NSUN6: variants seen among roughly 807,000 people sequenced by gnomAD.
NSUN6 encodes NOP2/Sun RNA methyltransferase 6, also known as tRNA (cytosine(72)-C(5))-methyltransferase NSUN6.
NSUN6 carries 64 observed loss-of-function variants against 58.0 expected under a neutral mutation model. The observed-to-expected ratio is 1.10, with a 90% CI of 0.90 to 1.36. The LOEUF (loss-of-function observed/expected upper bound fraction) is 1.36, where lower values mean the gene tolerates loss of function less well. NSUN6 is among the 40% of genes most tolerant of loss of function. The pLI, the probability that NSUN6 is intolerant of heterozygous loss-of-function variation, is 0.00. For missense variants in NSUN6, 701 were observed against 550.1 expected, an observed-to-expected ratio of 1.27 and a Z score of -2.74; for synonymous variants, 231 against 193.9, an observed-to-expected ratio of 1.19 and a Z score of -1.59.
chr10:18,575,804 C>T (rs1255573686), intron 8 of NSUN6, among the ~76,000 whole-genome samples: 1 of 152,094 alleles, frequency 6.6e-6, no homozygotes, highest in African/African-American at 2.4e-5. Flanking sequence ...GATACTCCTA[C>T]CTTTGAAACA....
intron 6 of NSUN6, among the ~76,000 whole-genome samples, chr10:18,603,047 C>G (rs1220841341): frequency 1.3e-5 from 2 of 152,120 alleles, no homozygotes; most frequent in African/African-American, 4.8e-5. Context: ...AATCTCAACA[C>G]TTTGGGAAGC....
intron 2 of NSUN6, among the ~76,000 whole-genome samples, chr10:18,647,727 T>G (rs917677033): frequency 4.0e-5 from 2 of 50,076 alleles, no homozygotes; most frequent in African/African-American, 1.2e-4. Flanking sequence ...AACACCTTGT[T>G]TTTTTTTTTT....
Position 18,614,509 on chromosome 10 carries a change from T to C in NSUN6, c.526A>G (p.Ile176Val). 1.9e-6 allele frequency: 3 copies of C among 1,571,036 alleles called. No homozygotes were observed. The highest frequency in any genetic ancestry group is 2.6e-6 in the Non-Finnish European group (3 of 1,161,376). ...ATTTCTTTGCGGCTTAGTTCAGAAA[T>C]CCCATTTCCAAGAAATACTTTTGTT... ...DGTKVFLGNG[I>V]SELSRKEIFS... Residue 176 changes from isoleucine (I) to valine (V), a missense_variant, in exon 5 of 11, where the codon ATT becomes GTT. Physicochemically the swap from Ile to Val is conservative, Grantham distance 29 (BLOSUM62 3). Coordinates refer to ENST00000377304, the MANE Select transcript of NSUN6 (RefSeq NM_182543.5).
chr10:18,606,656 A>T lies in NSUN6; in HGVS notation c.657+3189T>A, dbSNP rs117363139. Among the ~76,000 whole-genome samples, 39 of 152,328 alleles carry T rather than the reference A, an allele frequency of 2.6e-4. No individual in the cohort carries two copies. In the East Asian group the frequency reaches 7.5e-3, roughly 29 times the overall value. On this transcript the variant is annotated intron_variant, in intron 6 of 10. Coordinates refer to ENST00000377304, the MANE Select transcript of NSUN6 (RefSeq NM_182543.5). ...AGAAACTGGGTGAAGGGTATATAGAAATGACTGTCTTTGCAAATCTATAAT... is the reference window on the plus strand; with the variant it reads ...AGAAACTGGGTGAAGGGTATATAGATATGACTGTCTTTGCAAATCTATAAT...
chr10:18,628,138 G>C (rs1327362877), intron 3 of NSUN6, among the ~76,000 whole-genome samples: 1 of 152,192 alleles, frequency 6.6e-6, no homozygotes, highest in Non-Finnish European at 1.5e-5. Flanking sequence ...CCCCCAAGCA[G>C]GGGCAGACTG....
intron 8 of NSUN6, among the ~76,000 whole-genome samples, chr10:18,562,733 G>A (rs1246451336): frequency 1.3e-5 from 2 of 150,506 alleles, no homozygotes; most frequent in African/African-American, 2.4e-5. Flanking sequence ...ATGCGAAATG[G>A]AATGGAATGG....
chr10:18,633,121 T>C (rs371127013), intron 3 of NSUN6, among the ~76,000 whole-genome samples: 13 of 151,712 alleles, frequency 8.6e-5, no homozygotes, highest in Admixed American at 2.6e-4. Context: ...ATGGATGAAA[T>C]TGGAAATCAT....
chr10:18,613,183 A>AC (rs903897651), intron 5 of NSUN6, among the ~76,000 whole-genome samples: 1 of 151,780 alleles, frequency 6.6e-6, no homozygotes, highest in Admixed American at 6.6e-5. Flanking sequence ...GCTCACTGCA[A>AC]CCCCCCGGGT....
chr10:18,582,421 TGTG>T lies in NSUN6; in HGVS notation c.922+3525_922+3527del, dbSNP rs1437658976. On this transcript the variant is annotated intron_variant, in intron 8 of 10. Transcript: ENST00000377304. ...GCACACTCTTGAAAATAACGGAGAT[TGTG>T]GTGGTGAGCAATTAAGAGGAGGCTG... Among the ~76,000 whole-genome samples the T allele has an allele frequency of 4.6e-5, 7 of 152,216 alleles. No homozygotes were observed. In the East Asian group the frequency reaches 7.7e-4, roughly 17 times the overall value.
intron 1 of NSUN6, among the ~76,000 whole-genome samples, chr10:18,649,295 G>T (rs12572691): frequency 6.6e-6 from 1 of 152,092 alleles, no homozygotes; most frequent in Non-Finnish European, 1.5e-5. Context: ...TTCAAGAAAC[G>T]TATTTCTTTG....
intron 1 of NSUN6, among the ~76,000 whole-genome samples, chr10:18,650,812 T>C (rs571986084): frequency 4.5e-4 from 68 of 152,378 alleles, no homozygotes; most frequent in African/African-American, 1.4e-3. Context: ...CCAGCGCTCT[T>C]TTAAAATTCG....
At chr10:18,635,291 C>T (rs2059175611) in intron 3 of NSUN6, among the ~76,000 whole-genome samples, 1 of 152,136 alleles carries the variant, frequency 6.6e-6, no homozygotes, top group African/African-American at 2.4e-5. Context: ...GCTGGTTTTG[C>T]TTTTGTATGC....
At chr10:18,633,956 A>G (rs2059125679) in intron 3 of NSUN6, among the ~76,000 whole-genome samples, 1 of 152,232 alleles carries the variant, frequency 6.6e-6, no homozygotes, top group African/African-American at 2.4e-5. Context: ...GAGCCAGCAG[A>G]GAAGATTTGC....
intron 3 of NSUN6, among the ~76,000 whole-genome samples, chr10:18,634,458 G>A (rs546549337): frequency 3.4e-4 from 51 of 152,172 alleles, no homozygotes; most frequent in Non-Finnish European, 5.6e-4. Context: ...GACCAAGACA[G>A]GCTTAAGAAC....
chr10:18,609,108 A>C (rs947857004), intron 6 of NSUN6, among the ~76,000 whole-genome samples: 2 of 152,156 alleles, frequency 1.3e-5, no homozygotes, highest in African/African-American at 2.4e-5. Context: ...CACGAGTTTG[A>C]GACCAGCCTG....
intron 6 of NSUN6, among the ~76,000 whole-genome samples, chr10:18,604,393 T>C (rs1397150972): frequency 6.6e-6 from 1 of 152,194 alleles, no homozygotes; most frequent in African/African-American, 2.4e-5. Flanking sequence ...TGTGAAGGGA[T>C]GCTCTTCAAT....
In NSUN6 at chr10:18,623,416, G is replaced by A. The variant is rs540328646; in HGVS notation, c.312-7123C>T. Among the ~76,000 whole-genome samples the A allele has an allele frequency of 6.6e-5, 10 of 152,264 alleles. No homozygotes were observed. In the South Asian group the frequency reaches 1.7e-3, roughly 25 times the overall value. ...AAAACTAAGAAACAGCTATAATTGCGATGATGAGAAAAAATTGGCTGACAG... is the reference window on the plus strand; with the variant it reads ...AAAACTAAGAAACAGCTATAATTGCAATGATGAGAAAAAATTGGCTGACAG... On this transcript the variant is annotated intron_variant, in intron 3 of 10. Coordinates refer to ENST00000377304, the MANE Select transcript of NSUN6 (RefSeq NM_182543.5).
intron 8 of NSUN6, among the ~76,000 whole-genome samples, chr10:18,562,389 A>G (rs531031405): frequency 4.0e-5 from 6 of 149,004 alleles, no homozygotes; most frequent in Admixed American, 3.4e-4. Flanking sequence ...AGGATAGAAT[A>G]GAAGGGAATG....
intron 8 of NSUN6, among the ~76,000 whole-genome samples, chr10:18,564,974 T>C (rs2055818864): frequency 6.6e-6 from 1 of 151,088 alleles, no homozygotes; most frequent in Non-Finnish European, 1.5e-5. Flanking sequence ...CATTCCATTC[T>C]CCATTCCATT....
Sources: gnomAD v4.1 joint callset for allele counts (sites outside exome capture counted in the v4.1 genomes callset) on GRCh38, gnomAD v4.1.1 for gene constraint, MANE v1.5 for transcripts, NCBI Gene and HGNC (gene_info 2026-07-23, HGNC 2026-07-21) for gene names.